PRKCH: variants seen among roughly 807,000 people sequenced by gnomAD.
PRKCH encodes protein kinase C eta type.
A neutral mutation model predicts 82.5 loss-of-function variants in PRKCH; 28 were observed. The ratio of observed to expected loss-of-function variants is 0.34; its 90% CI spans 0.25 to 0.47. The LOEUF is 0.47. Ranked by LOEUF, PRKCH falls within the 20% of genes least tolerant of loss-of-function variation. PRKCH has a pLI of 1.00. For synonymous variants in PRKCH, 322 were observed against 327.4 expected (o/e 0.98, Z 0.18); for missense variants, 705 against 881.8 (o/e 0.80, Z 2.54).
intron 10 of PRKCH, among the ~76,000 whole-genome samples, chr14:61,491,421 A>G (rs566415280): frequency 3.9e-5 from 6 of 152,336 alleles, no homozygotes; most frequent in South Asian, 2.1e-4. Flanking sequence ...TCAGTATATT[A>G]GTAACTTTCA....
intron 6 of PRKCH, chr14:61,452,969 A>G (rs992575219): frequency 1.0e-5 from 5 of 485,234 alleles, no homozygotes; most frequent in African/African-American, 6.0e-5. Flanking sequence ...AATGGGTTTC[A>G]TCAAATCATG....
chr14:61,545,030 G>C (rs1014439204), intron 12 of PRKCH: 7 of 152,256 alleles, frequency 4.6e-5, no homozygotes, highest in African/African-American at 1.7e-4. Flanking sequence ...CTGCATTTAA[G>C]ATTTATTCAT....
chr14:61,511,283 G>C (rs550470694), intron 10 of PRKCH, among the ~76,000 whole-genome samples: 32 of 152,294 alleles, frequency 2.1e-4, no homozygotes, highest in African/African-American at 7.7e-4. Flanking sequence ...GCCAATGCCT[G>C]GCAGGTGACT....
chr14:61,216,078 A>AT (rs951143694), intron 1 of PRKCH, among the ~76,000 whole-genome samples: 7 of 152,150 alleles, frequency 4.6e-5, no homozygotes, highest in African/African-American at 1.7e-4. Flanking sequence ...GGTTTGCAGC[A>AT]TTTCTGGGGC....
At chr14:61,226,665 G>T (rs2044698659) in intron 1 of PRKCH, among the ~76,000 whole-genome samples, 1 of 152,352 alleles carries the variant, frequency 6.6e-6, no homozygotes, top group African/African-American at 2.4e-5. Context: ...ATTTGGCAGT[G>T]GTTGGGAGAC....
chr14:61,379,367 A>G (rs2046467784), intron 1 of PRKCH, among the ~76,000 whole-genome samples: 1 of 152,230 alleles, frequency 6.6e-6, no homozygotes, highest in Non-Finnish European at 1.5e-5. Flanking sequence ...TATAGGCTTC[A>G]TCTATTTTCT....
At chr14:61,511,663 G>T (rs1303812727) in intron 10 of PRKCH, among the ~76,000 whole-genome samples, 1 of 152,242 alleles carries the variant, frequency 6.6e-6, no homozygotes, top group Non-Finnish European at 1.5e-5. Flanking sequence ...GCTTCTTGTG[G>T]AAGAGAAGGC....
At chr14:61,444,020 A>C (rs1381512261) in intron 3 of PRKCH, among the ~76,000 whole-genome samples, 2 of 152,178 alleles carry the variant, frequency 1.3e-5, no homozygotes, top group African/African-American at 4.8e-5. Context: ...TGTCAACTTT[A>C]ATTATTTTGT....
chr14:61,255,381 G>A (rs2044988218), intron 1 of PRKCH, among the ~76,000 whole-genome samples: 1 of 152,210 alleles, frequency 6.6e-6, no homozygotes, highest in Admixed American at 6.5e-5. Flanking sequence ...GAGAGGTCTT[G>A]AGATTGGGAA....
At chr14:61,384,205 CAG>C (rs1285246677) in intron 1 of PRKCH, among the ~76,000 whole-genome samples, 1 of 152,108 alleles carries the variant, frequency 6.6e-6, no homozygotes, top group Non-Finnish European at 1.5e-5. Context: ...CGCAGAAGAA[CAG>C]TGGTTCTAGT....
intron 1 of PRKCH, among the ~76,000 whole-genome samples, chr14:61,240,405 T>C (rs1344812693): frequency 6.6e-6 from 1 of 152,130 alleles, no homozygotes; most frequent in Non-Finnish European, 1.5e-5. Context: ...CCTCCCACCC[T>C]AGCTTTTAAT....
chr14:61,547,300 TC>T (rs1027134419), intron 12 of PRKCH, among the ~76,000 whole-genome samples: 2 of 152,082 alleles, frequency 1.3e-5, no homozygotes, highest in Non-Finnish European at 2.9e-5. Flanking sequence ...TGTGGTCTCG[TC>T]AGAGAGCAGG....
Position 61,280,587 on chromosome 14 carries a change from G to C in PRKCH, c.-19+92919G>C. ...TGCCGGAGCGGTCGAGCGGCACCTC[G>C]ACGTAGGGCCCGCCGGGCTGGCGCT... On this transcript the variant is annotated intron_variant, in intron 1 of 3. Transcript: ENST00000555185. The surrounding 1 kb of genome is among the most constrained non-coding windows in gnomAD (Gnocchi z 5.0). 8.8e-6 allele frequency: 14 copies of C among 1,598,002 alleles called. No individual in the cohort carries two copies. Among genetic ancestry groups the C allele is most frequent in the Non-Finnish European group, 1.2e-5 (14 of 1,172,656 alleles).
At chr14:61,368,921 T>A (rs1000611156) in intron 1 of PRKCH, among the ~76,000 whole-genome samples, 2 of 152,100 alleles carry the variant, frequency 1.3e-5, no homozygotes, top group Admixed American at 6.5e-5. Context: ...TATTTACTTA[T>A]TCAGAAAGAT....
intron 1 of PRKCH, among the ~76,000 whole-genome samples, chr14:61,264,806 T>C (rs771497463): frequency 2.0e-5 from 3 of 152,178 alleles, no homozygotes; most frequent in Non-Finnish European, 4.4e-5. Flanking sequence ...TTTGGGATAG[T>C]GCTTGGCAGT....
chr14:61,388,037 A>G (rs2046614614), intron 1 of PRKCH, among the ~76,000 whole-genome samples: 1 of 150,828 alleles, frequency 6.6e-6, no homozygotes, highest in South Asian at 2.1e-4. Flanking sequence ...AGTCCCAGCT[A>G]TGTGGGAGGC....
At chr14:61,470,038 C>A (rs866708253) in intron 9 of PRKCH, among the ~76,000 whole-genome samples, 64 of 151,652 alleles carry the variant, frequency 4.2e-4, no homozygotes, top group African/African-American at 1.5e-3. Flanking sequence ...GCAGCTGCTC[C>A]CTGTGGCAAT....
intron 2 of PRKCH, among the ~76,000 whole-genome samples, chr14:61,399,939 T>C (rs1448437110): frequency 6.6e-6 from 1 of 152,232 alleles, no homozygotes; most frequent in Non-Finnish European, 1.5e-5. Flanking sequence ...GAATTGTTCC[T>C]TATTTGAGAC....
chr14:61,339,619 G>A (rs1448342156), intron 1 of PRKCH, among the ~76,000 whole-genome samples: 4 of 119,386 alleles, frequency 3.4e-5, no homozygotes, highest in African/African-American at 9.3e-5. Flanking sequence ...CACCAAGCCC[G>A]GCCTTTTTTT....
Sources: gnomAD v4.1 joint callset for allele counts (sites outside exome capture counted in the v4.1 genomes callset) on GRCh38, gnomAD v4.1.1 for gene constraint, Gnocchi (gnomAD v3.1) non-coding constraint, MANE v1.5 for transcripts, NCBI Gene and HGNC (gene_info 2026-07-23, HGNC 2026-07-21) for gene names.